Variants in BMPR2 observed in about 807,000 individuals in gnomAD.
BMPR2 encodes the protein bone morphogenetic protein receptor type 2, also known as bone morphogenetic protein receptor type-2.
Under a neutral mutation model 100.8 loss-of-function variants are expected in BMPR2, and 29 were observed. That is an observed-to-expected ratio of 0.29 (90% CI 0.21 to 0.39). The LOEUF (loss-of-function observed/expected upper bound fraction) is 0.39. BMPR2 is among the 10% of genes least tolerant of loss of function. The pLI, the probability that BMPR2 is intolerant of heterozygous loss-of-function variation, is 1.00. For synonymous variants in BMPR2, 382 were observed against 442.3 expected (o/e 0.86, Z 1.71); for missense variants, 1,011 against 1,274.5 (o/e 0.79, Z 3.15).
chr2:202,512,843 C>G (rs1351292110), intron 3 of BMPR2, among the ~76,000 whole-genome samples: 1 of 151,914 alleles, frequency 6.6e-6, no homozygotes, highest in Non-Finnish European at 1.5e-5. Flanking sequence ...GCTTCAAGTC[C>G]TATTCAGATT....
chr2:202,545,952 G>A (rs2106034761), intron 10 of BMPR2, among the ~76,000 whole-genome samples: 1 of 152,258 alleles, frequency 6.6e-6, no homozygotes, highest in East Asian at 1.9e-4. Flanking sequence ...TTTTATTCTA[G>A]TAAAATACAA....
At chr2:202,482,538 T>A (rs1317805435) in intron 3 of BMPR2, among the ~76,000 whole-genome samples, 1 of 151,544 alleles carries the variant, frequency 6.6e-6, no homozygotes, top group East Asian at 1.9e-4. Flanking sequence ...CATGCCTGTC[T>A]AATTTTTTTT....
intron 1 of BMPR2, among the ~76,000 whole-genome samples, chr2:202,434,923 ATATATAT>A: frequency 8.5e-6 from 1 of 117,972 alleles, no homozygotes; most frequent in Admixed American, 9.3e-5. Flanking sequence ...ATATATATAT[ATATATAT>A]ATATATTTAT....
At position 202,542,410 on chromosome 2, in the gene BMPR2, G is replaced by A; in HGVS notation, c.1376G>A (p.Arg459Lys). ...GTTCTCGTGTCTAGGGAAAAACAGA[G>A]ACCCAAGTTCCCAGAAGCCTGGAAA... ...MQVLVSREKQRPKFPEAWKEN... is the reference protein window; with the variant it reads ...MQVLVSREKQKPKFPEAWKEN... Residue 459 changes from arginine to lysine, a missense_variant, in exon 10 of 13, where the codon AGA becomes AAA. Around this residue, in one of 6 missense-constraint regions of BMPR2, gnomAD observed 83 missense variants for 140.7 expected, o/e 0.59. Coordinates refer to ENST00000374580, the MANE Select transcript of BMPR2 (RefSeq NM_001204.7). 3 of 1,614,028 alleles carry A rather than the reference G, an allele frequency of 1.9e-6. No individual in the cohort carries two copies. The highest frequency in any genetic ancestry group is 1.7e-6 in the Non-Finnish European group (2 of 1,180,002).
intron 3 of BMPR2, among the ~76,000 whole-genome samples, chr2:202,500,430 A>C (rs1387066608): frequency 6.6e-6 from 1 of 152,226 alleles, no homozygotes; most frequent in Non-Finnish European, 1.5e-5. Flanking sequence ...ATGGGGAACA[A>C]GTTAGCCATT....
intron 1 of BMPR2, among the ~76,000 whole-genome samples, chr2:202,457,532 T>C: frequency 6.9e-6 from 1 of 143,988 alleles, no homozygotes. Context: ...ATATTATTTT[T>C]AGCAATATTT....
At chr2:202,534,811 GGCTCCTCACCTCCC>G (rs1441024383) in intron 9 of BMPR2, among the ~76,000 whole-genome samples, 1 of 141,266 alleles carries the variant, frequency 7.1e-6, no homozygotes, top group Non-Finnish European at 1.6e-5. Flanking sequence ...CGGGCAGAGA[GGCTCCTCACCTCCC>G]GGACGGGGCG....
chr2:202,554,597 G>A (rs1688531292), intron 11 of BMPR2, among the ~76,000 whole-genome samples: 2 of 151,930 alleles, frequency 1.3e-5, no homozygotes, highest in South Asian at 4.1e-4. Context: ...GACAATGACA[G>A]CAAAGAACCC....
At chr2:202,450,259 C>G (rs1691949335) in intron 1 of BMPR2, among the ~76,000 whole-genome samples, 2 of 152,184 alleles carry the variant, frequency 1.3e-5, no homozygotes, top group African/African-American at 2.4e-5. Context: ...ATTTTGATCT[C>G]TTTCCTACTA....
At chr2:202,446,532 G>T (rs1410167210) in intron 1 of BMPR2, among the ~76,000 whole-genome samples, 1 of 150,254 alleles carries the variant, frequency 6.7e-6, no homozygotes, top group Non-Finnish European at 1.5e-5. Context: ...GGGCCTATTG[G>T]GCATTCATTT....
At chr2:202,458,186 C>CAATGAG (rs1692158753) in intron 1 of BMPR2, among the ~76,000 whole-genome samples, 1 of 150,446 alleles carries the variant, frequency 6.6e-6, no homozygotes, top group Non-Finnish European at 1.5e-5. Flanking sequence ...GTGGCTCACT[C>CAATGAG]CTGCAATCCC....
chr2:202,493,843 C>T (rs1411098833), intron 3 of BMPR2, among the ~76,000 whole-genome samples: 4 of 152,096 alleles, frequency 2.6e-5, no homozygotes, highest in Non-Finnish European at 5.9e-5. Context: ...ATTCACTCAT[C>T]GAATGCCTTG....
intron 1 of BMPR2, among the ~76,000 whole-genome samples, chr2:202,455,357 G>A (rs1457909448): frequency 6.6e-6 from 1 of 151,794 alleles, no homozygotes; most frequent in Non-Finnish European, 1.5e-5. Context: ...AGACCAGACT[G>A]GGCAACATAG....
At chr2:202,421,695 A>G (rs1691265925) in intron 1 of BMPR2, among the ~76,000 whole-genome samples, 1 of 151,360 alleles carries the variant, frequency 6.6e-6, no homozygotes, top group Non-Finnish European at 1.5e-5. Flanking sequence ...ACTAGACTTT[A>G]ACTGTAGACT....
At chr2:202,428,588 G>T (rs954703874) in intron 1 of BMPR2, among the ~76,000 whole-genome samples, 1 of 150,700 alleles carries the variant, frequency 6.6e-6, no homozygotes, top group African/African-American at 2.4e-5. Flanking sequence ...TTTTTTTTTT[G>T]GTAGAGATGG....
At chr2:202,518,288 C>T (rs1261463538) in intron 5 of BMPR2, among the ~76,000 whole-genome samples, 1 of 151,724 alleles carries the variant, frequency 6.6e-6, no homozygotes, top group Non-Finnish European at 1.5e-5. Flanking sequence ...CAGGCGTGTG[C>T]CATGATACCC....
intron 1 of BMPR2, among the ~76,000 whole-genome samples, chr2:202,442,532 A>G (rs1691769985): frequency 6.6e-6 from 1 of 150,438 alleles, no homozygotes; most frequent in Admixed American, 6.6e-5. Flanking sequence ...TTGTTATGCA[A>G]CAGATGCCCA....
At chr2:202,540,889 G>T (rs1045430610) in intron 9 of BMPR2, among the ~76,000 whole-genome samples, 1 of 151,978 alleles carries the variant, frequency 6.6e-6, no homozygotes, top group African/African-American at 2.4e-5. Flanking sequence ...AGGGTGGGAG[G>T]ACGGGTAAAG....
At chr2:202,456,637 C>T (rs1003727526) in intron 1 of BMPR2, among the ~76,000 whole-genome samples, 1 of 151,724 alleles carries the variant, frequency 6.6e-6, no homozygotes, top group Non-Finnish European at 1.5e-5. Flanking sequence ...GCCTCAGCCT[C>T]CCAAGTAGCT....
Sources: allele counts gnomAD v4.1 joint callset (sites outside exome capture counted in the v4.1 genomes callset), GRCh38; gene constraint gnomAD v4.1.1; regional missense constraint gnomAD v4.1.1; transcripts MANE v1.5; gene names NCBI Gene and HGNC (gene_info 2026-07-23, HGNC 2026-07-21).